Variants in CDH12 observed in about 807,000 individuals in gnomAD.
The protein encoded by CDH12 is cadherin 12, also known as cadherin-12.
Under a neutral mutation model 74.1 loss-of-function variants are expected in CDH12, and 41 were observed. The ratio of observed to expected loss-of-function variants is 0.55; its 90% CI spans 0.43 to 0.72. The LOEUF is 0.72. CDH12 is among the 30% of genes least tolerant of loss of function. The pLI is 0.00. For missense variants in CDH12, 945 were observed against 977.2 expected, an observed-to-expected ratio of 0.97 and a Z score of 0.44; for synonymous variants, 399 against 355.0, an observed-to-expected ratio of 1.12 and a Z score of -1.39.
chr5:22,803,843 A>T (rs1748653408), intron 1 of CDH12, among the ~76,000 whole-genome samples: 1 of 152,178 alleles, frequency 6.6e-6, no homozygotes, highest in South Asian at 2.1e-4. Flanking sequence ...ATCAAAACCC[A>T]ATCTGGGGTA....
rs368655982 is a variant in CDH12, at chr5:21,755,789, C to A, written c.1687G>T (p.Glu563Ter). 6.2e-7 allele frequency: 1 copy of A among 1,614,000 alleles called. No homozygotes were observed. Among genetic ancestry groups the A allele is most frequent in the Non-Finnish European group, 8.5e-7 (1 of 1,179,904 alleles). Residue 563 changes from glutamate (E) to a stop codon, truncating the protein, a stop_gained, in exon 14 of 15, where the codon GAG becomes TAG. Transcript: ENST00000382254. LOFTEE classifies it high-confidence loss of function. ...RRNGYSRRQQ[E>*]LYFLPVVIED... ...ATTACAACAGGGAGGAAATACAACT[C>A]TTGCTGCCTGCGGCTGTATCCATTT...
rs533736255 is a variant in CDH12, at chr5:21,834,133, C to G, written c.814+8028G>C. Among the ~76,000 whole-genome samples, 6 of 151,136 alleles carry G rather than the reference C, an allele frequency of 4.0e-5. No homozygotes were observed. The South Asian group carries it at 6.2e-4, about 16-fold the overall frequency. On this transcript the variant is annotated intron_variant, in intron 8 of 14. Transcript: ENST00000382254. Reference sequence around the variant, plus strand: ...CTCAGCTAGTACCTGAATACAAGGTCATAGCTTTTTGTTTAACATTTTTAA... The same window carrying G: ...CTCAGCTAGTACCTGAATACAAGGTGATAGCTTTTTGTTTAACATTTTTAA...
intron 10 of CDH12, among the ~76,000 whole-genome samples, chr5:21,784,435 A>G (rs928365083): frequency 6.6e-6 from 1 of 152,194 alleles, no homozygotes; most frequent in Non-Finnish European, 1.5e-5. Context: ...AAGAGAAAGC[A>G]TAGAGACATG....
intron 8 of CDH12, among the ~76,000 whole-genome samples, chr5:21,825,023 G>A (rs1037959555): frequency 6.6e-6 from 1 of 151,872 alleles, no homozygotes; most frequent in Non-Finnish European, 1.5e-5. Context: ...GTGTGGTAGT[G>A]TGTGCCCGTA....
chr5:22,584,029 C>CT (rs1181605205), intron 1 of CDH12, among the ~76,000 whole-genome samples: 2 of 150,774 alleles, frequency 1.3e-5, no homozygotes, highest in Non-Finnish European at 1.5e-5. Context: ...TATCTAGTTG[C>CT]TTTTTTTTGC....
At chr5:22,809,412 G>T (rs1321772602) in intron 1 of CDH12, among the ~76,000 whole-genome samples, 1 of 151,300 alleles carries the variant, frequency 6.6e-6, no homozygotes, top group African/African-American at 2.4e-5. Context: ...ATCTTATAAA[G>T]AACATATTCT....
chr5:21,879,308 T>C (rs1191115014), intron 6 of CDH12, among the ~76,000 whole-genome samples: 1 of 147,532 alleles, frequency 6.8e-6, no homozygotes, highest in East Asian at 1.9e-4. Flanking sequence ...TTGAACTTTT[T>C]AAGCAGCACA....
At chr5:22,132,428 C>A (rs989127672) in intron 4 of CDH12, among the ~76,000 whole-genome samples, 3 of 151,858 alleles carry the variant, frequency 2.0e-5, no homozygotes, top group African/African-American at 7.3e-5. Context: ...ATACTTGCCA[C>A]AGTTATATTA....
intron 4 of CDH12, among the ~76,000 whole-genome samples, chr5:22,090,053 G>A (rs1743319428): frequency 6.6e-6 from 1 of 151,922 alleles, no homozygotes; most frequent in South Asian, 2.1e-4. Flanking sequence ...GATAAAGACT[G>A]AAGTGGAAAT....
At chr5:22,020,640 G>A (rs919119144) in intron 5 of CDH12, among the ~76,000 whole-genome samples, 1 of 151,600 alleles carries the variant, frequency 6.6e-6, no homozygotes, top group African/African-American at 2.4e-5. Flanking sequence ...CTGGCTTGAT[G>A]ATGCTCACCT....
At chr5:22,071,151 T>A (rs1741914584) in intron 5 of CDH12, among the ~76,000 whole-genome samples, 1 of 152,028 alleles carries the variant, frequency 6.6e-6, no homozygotes. Context: ...AATTTAAAAA[T>A]AATAATAAAA....
intron 3 of CDH12, among the ~76,000 whole-genome samples, chr5:22,230,155 C>A (rs1752333096): frequency 6.6e-6 from 1 of 151,886 alleles, no homozygotes; most frequent in Non-Finnish European, 1.5e-5. Context: ...TGCAAACAAC[C>A]CTACATCTGC....
At chr5:22,698,116 G>A (rs930417480) in intron 1 of CDH12, among the ~76,000 whole-genome samples, 86 of 104,708 alleles carry the variant, frequency 8.2e-4, no homozygotes, top group Non-Finnish European at 1.5e-3. Context: ...CCGCATAAAG[G>A]CAGGGCTTTT....
chr5:22,541,658 G>A (rs1430441000), intron 1 of CDH12, among the ~76,000 whole-genome samples: 1 of 152,178 alleles, frequency 6.6e-6, no homozygotes, highest in Non-Finnish European at 1.5e-5. Context: ...GACATACTGT[G>A]TTTGTGCCCT....
chr5:22,006,687 G>C (rs1262361429), intron 5 of CDH12, among the ~76,000 whole-genome samples: 3 of 152,052 alleles, frequency 2.0e-5, no homozygotes, highest in Non-Finnish European at 2.9e-5. Context: ...TCCATGCTCT[G>C]TTCTTTTTAA....
chr5:22,705,143 AC>A (rs1742931764), intron 1 of CDH12, among the ~76,000 whole-genome samples: 1 of 146,262 alleles, frequency 6.8e-6, no homozygotes, highest in African/African-American at 2.5e-5. Flanking sequence ...ACACACACAC[AC>A]ACACACACAC....
At chr5:21,789,562 A>T (rs2149905540) in intron 10 of CDH12, among the ~76,000 whole-genome samples, 1 of 152,038 alleles carries the variant, frequency 6.6e-6, no homozygotes, top group Admixed American at 6.6e-5. Flanking sequence ...TTCACTGGGG[A>T]GTGTGTCTAT....
rs1225126843 is a variant in CDH12, at chr5:22,796,677, G to A, written c.-523+56381C>T. ...TGGGACTACAGGCGCCCGCCACTAC[G>A]CCCGGCTAATTTTTTTGTATTTTTA... On this transcript the variant is annotated intron_variant, in intron 1 of 14. Transcript: ENST00000382254. 2.3e-5 allele frequency among the ~76,000 whole-genome samples: 3 copies of A among 133,050 alleles called. 1 individual carries two copies. Among genetic ancestry groups the A allele is most frequent in the African/African-American group, 9.3e-5 (3 of 32,114 alleles). The allele number at this position is 133,050 out of a possible 152,430, so 87.3% of individuals were successfully genotyped here.
intron 12 of CDH12, 34 bp from the exon 13 acceptor site, chr5:21,760,709 G>T: frequency 3.2e-6 from 4 of 1,241,106 alleles, no homozygotes; most frequent in Non-Finnish European, 4.8e-6. Flanking sequence ...TCGGTCATCA[G>T]TTTCAAAGAG....
Sources: gnomAD v4.1 joint callset for allele counts (sites outside exome capture counted in the v4.1 genomes callset) on GRCh38, gnomAD v4.1.1 for gene constraint, MANE v1.5 for transcripts, NCBI Gene and HGNC (gene_info 2026-07-23, HGNC 2026-07-21) for gene names.